SHISA9: variants seen among roughly 807,000 people sequenced by gnomAD.
SHISA9 encodes protein shisa-9.
Under a neutral mutation model 38.0 loss-of-function variants are expected in SHISA9, and 13 were observed. The ratio of observed to expected loss-of-function variants is 0.34; its 90% CI spans 0.22 to 0.54. The LOEUF is 0.54. SHISA9 is among the 20% of genes least tolerant of loss of function. The pLI is 0.91. For missense variants in SHISA9, 538 were observed against 575.8 expected, an observed-to-expected ratio of 0.93 and a Z score of 0.67; for synonymous variants, 275 against 242.0, an observed-to-expected ratio of 1.14 and a Z score of -1.27.
At chr16:13,240,952 G>A (rs2051430665), downstream of SHISA9, among the ~76,000 whole-genome samples, 1 of 152,008 alleles carries the variant, frequency 6.6e-6, no homozygotes, top group Non-Finnish European at 1.5e-5. Flanking sequence ...GGAGGGGGTG[G>A]GAGGTTCAAT....
intron 4 of SHISA9, among the ~76,000 whole-genome samples, chr16:13,224,622 A>G (rs12932100): frequency 0.25 from 38,614 of 152,138 alleles, 6,538 homozygotes; most frequent in African/African-American, 0.47. Flanking sequence ...AACAGACACA[A>G]CCTCTGCCCT....
At chr16:13,536,504 A>G in the SHISA9 span, among the ~76,000 whole-genome samples, 2 of 152,234 alleles carry the variant, frequency 1.3e-5, no homozygotes, top group African/African-American at 4.8e-5. Context: ...ATTGTGGAGT[A>G]TAAGAACAAA....
chr16:13,406,805 AT>A, the SHISA9 span, among the ~76,000 whole-genome samples: 4 of 152,174 alleles, frequency 2.6e-5, no homozygotes, highest in Admixed American at 1.3e-4. Flanking sequence ...GCGGTGGCTC[AT>A]GCCTGTAATC....
intron 1 of SHISA9, chr16:12,908,679 C>A: frequency 3.3e-6 from 5 of 1,525,808 alleles, no homozygotes; most frequent in Non-Finnish European, 2.6e-6. Context: ...CGATGCCCTG[C>A]AAACAACAGC....
the SHISA9 span, among the ~76,000 whole-genome samples, chr16:13,478,346 T>C: frequency 1.3e-5 from 2 of 152,180 alleles, no homozygotes; most frequent in African/African-American, 4.8e-5. Flanking sequence ...GAAAAAAATA[T>C]ACACTTGCAA....
At chr16:12,926,004 G>C (rs1329188761) in intron 2 of SHISA9, among the ~76,000 whole-genome samples, 3 of 152,104 alleles carry the variant, frequency 2.0e-5, no homozygotes, top group Non-Finnish European at 4.4e-5. Flanking sequence ...GGGATTACAG[G>C]CGTGAGCCAC....
At chr16:12,905,067 C>T (rs921339586) in intron 1 of SHISA9, among the ~76,000 whole-genome samples, 1 of 152,122 alleles carries the variant, frequency 6.6e-6, no homozygotes, top group Non-Finnish European at 1.5e-5. Flanking sequence ...TGCAGCCAAT[C>T]GCTGTTAAGG....
At chr16:13,234,858 C>T (rs2051365648) in intron 4 of SHISA9, among the ~76,000 whole-genome samples, 172 bp from the exon 5 acceptor site, 1 of 151,830 alleles carries the variant, frequency 6.6e-6, no homozygotes, top group African/African-American at 2.4e-5. Context: ...CATGGTGCTG[C>T]CCTTCCCTCT....
intron 2 of SHISA9, among the ~76,000 whole-genome samples, chr16:13,006,749 A>C (rs1206206973): frequency 1.3e-5 from 2 of 152,158 alleles, no homozygotes; most frequent in Non-Finnish European, 2.9e-5. Flanking sequence ...TCCGTCACTG[A>C]TTCTGTTGTA....
the SHISA9 span, among the ~76,000 whole-genome samples, chr16:13,507,893 C>T: frequency 1.2e-3 from 176 of 152,178 alleles, 1 homozygote; most frequent in Non-Finnish European, 2.0e-3. Flanking sequence ...CCGTCCGTGC[C>T]TTAGGTGCAC....
chr16:13,064,722 T>C (rs1404386966), intron 2 of SHISA9, among the ~76,000 whole-genome samples: 1 of 151,618 alleles, frequency 6.6e-6, no homozygotes, highest in Non-Finnish European at 1.5e-5. Context: ...TTTCAGATTT[T>C]TTTCTACAAT....
At chr16:13,264,625 A>T in the SHISA9 span, among the ~76,000 whole-genome samples, 3 of 152,010 alleles carry the variant, frequency 2.0e-5, no homozygotes, top group Non-Finnish European at 4.4e-5. Flanking sequence ...TTCTAAACAG[A>T]ATGTCTCTCT....
chr16:13,304,551 C>T, the SHISA9 span, among the ~76,000 whole-genome samples: 3 of 152,172 alleles, frequency 2.0e-5, no homozygotes, highest in East Asian at 1.9e-4. Flanking sequence ...AGCCACTGTG[C>T]CTGGCCAGAA....
chr16:13,053,422 A>G (rs2073275338), intron 2 of SHISA9, among the ~76,000 whole-genome samples: 1 of 152,084 alleles, frequency 6.6e-6, no homozygotes, highest in African/African-American at 2.4e-5. Flanking sequence ...AAAGCCTCCA[A>G]CAGGTCTCCC....
At chr16:13,190,483 C>T (rs1368765615) in intron 2 of SHISA9, among the ~76,000 whole-genome samples, 1 of 152,244 alleles carries the variant, frequency 6.6e-6, no homozygotes, top group Non-Finnish European at 1.5e-5. Flanking sequence ...AACTCCTCCT[C>T]TTCTTTTTGC....
intron 2 of SHISA9, among the ~76,000 whole-genome samples, chr16:13,086,592 G>A (rs2073713521): frequency 2.0e-5 from 3 of 152,002 alleles, no homozygotes; most frequent in Non-Finnish European, 2.9e-5. Context: ...GATGATTGTG[G>A]TGTCTTGGGC....
intron 2 of SHISA9, among the ~76,000 whole-genome samples, chr16:13,120,571 G>A (rs753791607): frequency 5.9e-5 from 9 of 152,160 alleles, no homozygotes; most frequent in Admixed American, 2.0e-4. Flanking sequence ...AAAACAAGGC[G>A]TGAAAACACA....
intron 1 of SHISA9, chr16:12,908,487 A>T: frequency 6.4e-7 from 1 of 1,552,320 alleles, no homozygotes. Flanking sequence ...AGGCTCTATG[A>T]CAATCTGCTG....
chr16:13,391,682 A>G, the SHISA9 span, among the ~76,000 whole-genome samples: 27 of 152,270 alleles, frequency 1.8e-4, no homozygotes, highest in Admixed American at 1.2e-3. Flanking sequence ...GAATCCAGGA[A>G]TCAATATTTT....
Sources: allele counts gnomAD v4.1 joint callset (sites outside exome capture counted in the v4.1 genomes callset), GRCh38; gene constraint gnomAD v4.1.1; transcripts MANE v1.5; gene names NCBI Gene and HGNC (gene_info 2026-07-23, HGNC 2026-07-21).